The following ROBO2 variants were observed in gnomAD, a reference collection of about 807,000 sequenced individuals.
ROBO2 encodes the protein roundabout guidance receptor 2, also known as roundabout homolog 2.
ROBO2 carries 53 observed loss-of-function variants against 160.8 expected under a neutral mutation model. The ratio of observed to expected loss-of-function variants is 0.33; its 90% CI spans 0.26 to 0.41. ROBO2 has a LOEUF of 0.41. ROBO2 is among the 10% of genes least tolerant of loss of function. ROBO2 has a pLI of 1.00. For synonymous variants in ROBO2, 664 were observed against 611.7 expected, an observed-to-expected ratio of 1.09 and a Z score of -1.26; for missense variants, 1,577 against 1,722.4, an observed-to-expected ratio of 0.92 and a Z score of 1.49.
rs561832820 is a variant in ROBO2 at position 76,059,942 on chromosome 3, C to G, written c.109+122340C>G. Among the ~76,000 whole-genome samples, 4 of 152,162 alleles carry G rather than the reference C, an allele frequency of 2.6e-5. No homozygotes were observed. The East Asian group carries it at 7.7e-4, about 29-fold the overall frequency. ...CATTTCTTGTTTTTGTCAGGTTTGT[C>G]AAAGATCAGATGGTTGTAGATGTGT... On this transcript the variant is annotated intron_variant, in intron 2 of 26. Coordinates refer to the ROBO2 transcript ENST00000487694.
At chr3:76,307,245 A>T (rs1211559249) in intron 2 of ROBO2, among the ~76,000 whole-genome samples, 1 of 152,114 alleles carries the variant, frequency 6.6e-6, no homozygotes, top group Non-Finnish European at 1.5e-5. Flanking sequence ...TATTCTCATT[A>T]TTTGATACTT....
intron 2 of ROBO2, among the ~76,000 whole-genome samples, chr3:76,004,954 C>T (rs1374667589): frequency 6.6e-6 from 1 of 152,090 alleles, no homozygotes; most frequent in African/African-American, 2.4e-5. Flanking sequence ...AGGTGGGGCC[C>T]AATGGGAGGT....
chr3:76,682,240 C>T (rs1375724870), intron 2 of ROBO2, among the ~76,000 whole-genome samples: 1 of 152,188 alleles, frequency 6.6e-6, no homozygotes, highest in African/African-American at 2.4e-5. Context: ...ACTATGGACT[C>T]AGGGATTATG....
intron 6 of ROBO2, among the ~76,000 whole-genome samples, chr3:77,538,381 G>A (rs1024900649): frequency 2.6e-5 from 4 of 151,968 alleles, no homozygotes; most frequent in African/African-American, 4.8e-5. Flanking sequence ...GTTTCACTGT[G>A]TTAGCCAGGA....
chr3:76,671,011 C>A (rs968760590), intron 2 of ROBO2, among the ~76,000 whole-genome samples: 2 of 151,472 alleles, frequency 1.3e-5, no homozygotes, highest in Non-Finnish European at 2.9e-5. Flanking sequence ...CTTTCTCATC[C>A]TCAGACAGTT....
chr3:77,417,504 T>A (rs1227833565), intron 2 of ROBO2, among the ~76,000 whole-genome samples: 1 of 152,118 alleles, frequency 6.6e-6, no homozygotes, highest in Non-Finnish European at 1.5e-5. Context: ...AAAATATATG[T>A]AATAAATGCA....
intron 2 of ROBO2, among the ~76,000 whole-genome samples, chr3:77,438,017 A>G (rs1352720491): frequency 6.6e-6 from 1 of 152,048 alleles, no homozygotes; most frequent in East Asian, 1.9e-4. Flanking sequence ...CTATAATACC[A>G]TATACATGAT....
intron 2 of ROBO2, among the ~76,000 whole-genome samples, chr3:77,248,902 G>A (rs1372926326): frequency 6.6e-6 from 1 of 151,862 alleles, no homozygotes; most frequent in African/African-American, 2.4e-5. Context: ...TTTTAAGACA[G>A]GGTGTCAGTC....
At position 76,409,832 on chromosome 3, in the gene ROBO2, G is replaced by A. The variant is rs144085690; in HGVS notation, c.109+472230G>A. Reference sequence around the variant, plus strand: ...AGATAAGAATATGCCTTAAATAAGCGAAACAAATGGTTATTACTTTTTAAA... The same window carrying A: ...AGATAAGAATATGCCTTAAATAAGCAAAACAAATGGTTATTACTTTTTAAA... On this transcript the variant is annotated intron_variant, in intron 2 of 26. Coordinates refer to the ROBO2 transcript ENST00000487694. Among the ~76,000 whole-genome samples the A allele has an allele frequency of 1.7e-3, 259 of 152,124 alleles. 1 individual carries two copies. Among genetic ancestry groups the A allele is most frequent in the African/African-American group, 5.8e-3 (241 of 41,536 alleles).
intron 2 of ROBO2, among the ~76,000 whole-genome samples, chr3:76,995,713 A>C (rs2060959600): frequency 6.6e-6 from 1 of 152,026 alleles, no homozygotes; most frequent in Non-Finnish European, 1.5e-5. Context: ...GATGATGAGC[A>C]TTTTTTCATG....
chr3:77,479,932 A>G (rs1163280358), intron 3 of ROBO2, among the ~76,000 whole-genome samples: 1 of 152,142 alleles, frequency 6.6e-6, no homozygotes, highest in Non-Finnish European at 1.5e-5. Flanking sequence ...ACAATGTACA[A>G]GAACCTTTCT....
chr3:76,000,374 T>G (rs2065848607), intron 2 of ROBO2, among the ~76,000 whole-genome samples: 1 of 152,166 alleles, frequency 6.6e-6, no homozygotes, highest in Non-Finnish European at 1.5e-5. Flanking sequence ...TCTTCATAGT[T>G]TCATTGTTTC....
In ROBO2 at chr3:77,602,330, C is replaced by T. The variant is rs774841364; in HGVS notation, c.2975C>T (p.Thr992Ile). 8.1e-6 allele frequency: 13 copies of T among 1,614,144 alleles called. No homozygotes were observed. In the Admixed American group the frequency reaches 2.0e-4, roughly 25 times the overall value. ...AGTTACAACAGTTCCAGCCAAATAA[C>T]ACAGGCTACCCCATATGCCACGACA... is the stretch of plus-strand genomic sequence containing the variant. Residue 992 changes from threonine (T) to isoleucine (I), a missense_variant, in exon 20 of 26, where the codon ACA (threonine) becomes ATA (isoleucine). Coordinates refer to ENST00000461745, the Ensembl canonical transcript of ROBO2.
intron 2 of ROBO2, among the ~76,000 whole-genome samples, chr3:77,283,394 T>C (rs577982969): frequency 6.6e-6 from 1 of 152,334 alleles, no homozygotes; most frequent in Non-Finnish European, 1.5e-5. Context: ...AATTTCAGAA[T>C]GTTTGTTTTA....
intron 4 of ROBO2, among the ~76,000 whole-genome samples, chr3:77,481,791 T>A (rs894573827): frequency 2.6e-5 from 4 of 152,252 alleles, no homozygotes; most frequent in African/African-American, 9.6e-5. Flanking sequence ...CCTTAGCTGG[T>A]TAAATGCAAT....
chr3:76,903,489 T>G (rs1453106683), intron 2 of ROBO2, among the ~76,000 whole-genome samples: 1 of 152,124 alleles, frequency 6.6e-6, no homozygotes, highest in Non-Finnish European at 1.5e-5. Context: ...GAAACTCAGG[T>G]ATGGTTTTTG....
intron 2 of ROBO2, among the ~76,000 whole-genome samples, chr3:77,213,400 T>A (rs2084462173): frequency 6.6e-6 from 1 of 152,216 alleles, no homozygotes; most frequent in Non-Finnish European, 1.5e-5. Context: ...TGGTAGTTTG[T>A]ATTTCTATGG....
intron 2 of ROBO2, among the ~76,000 whole-genome samples, chr3:76,806,505 G>T (rs1203727537): frequency 6.6e-6 from 1 of 151,652 alleles, no homozygotes; most frequent in Non-Finnish European, 1.5e-5. Flanking sequence ...TCTTCAATAA[G>T]TGTTTGCCAA....
chr3:76,939,751 T>G (rs553537218), intron 2 of ROBO2, among the ~76,000 whole-genome samples: 1 of 152,190 alleles, frequency 6.6e-6, no homozygotes, highest in African/African-American at 2.4e-5. Flanking sequence ...GCTGCTGCAC[T>G]CAAGCCTGGG....
Sources: allele counts gnomAD v4.1 joint callset (sites outside exome capture counted in the v4.1 genomes callset), GRCh38; gene constraint gnomAD v4.1.1; transcripts MANE v1.5; gene names NCBI Gene and HGNC (gene_info 2026-07-23, HGNC 2026-07-21).